Variants in TRPS1 observed in about 807,000 individuals in gnomAD.
TRPS1 encodes transcriptional repressor GATA binding 1, also known as zinc finger transcription factor Trps1.
Under a neutral mutation model 101.2 loss-of-function variants are expected in TRPS1, and 6 were observed. The observed-to-expected ratio is 0.06, with a 90% CI of 0.03 to 0.12. The LOEUF (loss-of-function observed/expected upper bound fraction) is 0.12, where lower values mean the gene tolerates loss of function less well. TRPS1 is among the 10% of genes least tolerant of loss of function. The pLI is 1.00. For synonymous variants in TRPS1, 578 were observed against 589.8 expected (o/e 0.98, Z 0.29); for missense variants, 1,363 against 1,567.0 (o/e 0.87, Z 2.20).
chr8:115,573,751 T>G (rs1182112549), intron 5 of TRPS1, among the ~76,000 whole-genome samples: 22 of 152,216 alleles, frequency 1.4e-4, no homozygotes, highest in Admixed American at 1.4e-3. Context: ...AACCTTTATG[T>G]CAAGTCTTAG....
intron 5 of TRPS1, among the ~76,000 whole-genome samples, chr8:115,516,244 T>A (rs1815707797): frequency 1.4e-5 from 2 of 146,070 alleles, no homozygotes; most frequent in African/African-American, 5.0e-5. Flanking sequence ...GGTACTGAAA[T>A]TACTTGAGCT....
intron 5 of TRPS1, among the ~76,000 whole-genome samples, chr8:115,448,987 A>C (rs950028420): frequency 6.6e-6 from 1 of 152,212 alleles, no homozygotes; most frequent in Admixed American, 6.5e-5. Flanking sequence ...CTGTAGGAAA[A>C]ACACTTGGAA....
intron 5 of TRPS1, among the ~76,000 whole-genome samples, chr8:115,456,484 T>C (rs1586291838): frequency 6.6e-6 from 1 of 152,192 alleles, no homozygotes; most frequent in East Asian, 1.9e-4. Flanking sequence ...ATCTTCTATA[T>C]ATAATATCGA....
chr8:115,592,522 A>T (rs1015036490), intron 4 of TRPS1, among the ~76,000 whole-genome samples: 1 of 152,186 alleles, frequency 6.6e-6, no homozygotes, highest in Non-Finnish European at 1.5e-5. Context: ...ATTGAACACC[A>T]CTAGGTGAAG....
intron 1 of TRPS1, among the ~76,000 whole-genome samples, chr8:115,624,647 T>C (rs1272181821): frequency 6.6e-6 from 1 of 151,950 alleles, no homozygotes; most frequent in Non-Finnish European, 1.5e-5. Context: ...AAAACAAATC[T>C]AAATGCTTTG....
intron 5 of TRPS1, among the ~76,000 whole-genome samples, chr8:115,545,158 CA>C (rs1262373745): frequency 1.3e-5 from 2 of 152,096 alleles, no homozygotes; most frequent in Non-Finnish European, 2.9e-5. Flanking sequence ...TCCTTCTTGA[CA>C]AAGCTTTCAC....
intron 5 of TRPS1, among the ~76,000 whole-genome samples, chr8:115,530,992 A>C (rs1019292475): frequency 6.6e-6 from 1 of 152,142 alleles, no homozygotes; most frequent in Non-Finnish European, 1.5e-5. Flanking sequence ...TGACGAGTTA[A>C]TGGGTGCAGC....
rs62513030 is a variant in TRPS1, at chr8:115,535,155, G to A, written c.2700+51846C>T. ...TATATATAGCATATATATAGCATAT[G>A]TATAGCATATGTATTGCATATATAG... On this transcript the variant is annotated intron_variant, in intron 5 of 6. Coordinates refer to ENST00000395715, the MANE Select transcript of TRPS1 (RefSeq NM_014112.5). 6.2e-4 allele frequency among the ~76,000 whole-genome samples: 85 copies of A among 137,526 alleles called. 2 individuals carry two copies. Among genetic ancestry groups the A allele is most frequent in the South Asian group, 5.4e-3 (23 of 4,256 alleles). 90.2% of individuals were successfully genotyped at this position (137,526 alleles called of 152,430 possible).
intron 5 of TRPS1, among the ~76,000 whole-genome samples, chr8:115,518,602 G>T (rs544538118): frequency 6.6e-6 from 1 of 151,682 alleles, no homozygotes; most frequent in Non-Finnish European, 1.5e-5. Context: ...TTCCTAAAGT[G>T]GAGCTTCCAA....
chr8:115,504,991 C>T (rs1048413005), intron 5 of TRPS1, among the ~76,000 whole-genome samples: 1 of 151,984 alleles, frequency 6.6e-6, no homozygotes, highest in Non-Finnish European at 1.5e-5. Flanking sequence ...TCTTCATATT[C>T]ATATAGAGAA....
At chr8:115,566,990 T>C (rs780283182) in intron 5 of TRPS1, among the ~76,000 whole-genome samples, 1 of 152,276 alleles carries the variant, frequency 6.6e-6, no homozygotes, top group Non-Finnish European at 1.5e-5. Flanking sequence ...CATTTATGTC[T>C]CTGCTTTTTA....
At chr8:115,590,602 T>C (rs934766323) in intron 4 of TRPS1, among the ~76,000 whole-genome samples, 3 of 152,162 alleles carry the variant, frequency 2.0e-5, no homozygotes, top group African/African-American at 7.2e-5. Context: ...TTTCAAACGG[T>C]AGACTCTCAG....
At position 115,411,673 on chromosome 8, in the gene TRPS1, CTTT is replaced by C. The variant is rs922267117; in HGVS notation, c.*2347_*2349del. 1.0e-4 allele frequency: 16 copies of C among 152,444 alleles called. No individual in the cohort carries two copies. Among genetic ancestry groups the C allele is most frequent in the African/African-American group, 3.4e-4 (14 of 41,422 alleles). The allele number at this position is 152,444 out of a possible 1,614,324, so 9.4% of individuals were successfully genotyped here. Reference sequence around the variant, plus strand: ...AATGTCAAAGCTCCTCATTCCACTTCTTTATTTCAGTTTATGTGAATATTAGAG... The same window carrying C: ...AATGTCAAAGCTCCTCATTCCACTTCATTTCAGTTTATGTGAATATTAGAG... On this transcript the variant is annotated 3_prime_UTR_variant, in exon 7 of 7. Transcript: ENST00000395715.
At chr8:115,572,865 G>A (rs1817237221) in intron 5 of TRPS1, among the ~76,000 whole-genome samples, 1 of 152,112 alleles carries the variant, frequency 6.6e-6, no homozygotes, top group South Asian at 2.1e-4. Context: ...AGACTCCGTG[G>A]CTCACGCCTG....
chr8:115,522,326 T>C (rs1404492217), intron 5 of TRPS1, among the ~76,000 whole-genome samples: 1 of 152,004 alleles, frequency 6.6e-6, no homozygotes, highest in Non-Finnish European at 1.5e-5. Context: ...ATGATAGATA[T>C]ATCTCAAATA....
intron 5 of TRPS1, among the ~76,000 whole-genome samples, chr8:115,450,899 C>T (rs988778534): frequency 3.9e-5 from 6 of 152,028 alleles, no homozygotes; most frequent in Non-Finnish European, 5.9e-5. Context: ...GAGACCATTA[C>T]GAAAACCCAC....
At chr8:115,486,239 G>A (rs1814876459) in intron 5 of TRPS1, among the ~76,000 whole-genome samples, 1 of 152,080 alleles carries the variant, frequency 6.6e-6, no homozygotes, top group African/African-American at 2.4e-5. Context: ...TATTGTAATT[G>A]TTTCAGTGTG....
At chr8:115,596,316 G>A (rs578068809) in intron 4 of TRPS1, among the ~76,000 whole-genome samples, 1 of 151,810 alleles carries the variant, frequency 6.6e-6, no homozygotes, top group Non-Finnish European at 1.5e-5. Flanking sequence ...TTCACAGTAA[G>A]TTATTTAATA....
intron 5 of TRPS1, among the ~76,000 whole-genome samples, chr8:115,494,932 A>G (rs1183359533): frequency 6.6e-6 from 1 of 152,278 alleles, no homozygotes; most frequent in East Asian, 1.9e-4. Flanking sequence ...CTCGGAGTGG[A>G]ACTTCCTCCC....
Sources: gnomAD v4.1 joint callset for allele counts (sites outside exome capture counted in the v4.1 genomes callset) on GRCh38, gnomAD v4.1.1 for gene constraint, MANE v1.5 for transcripts, NCBI Gene and HGNC (gene_info 2026-07-23, HGNC 2026-07-21) for gene names.